ANKRD31: variants seen among roughly 807,000 people sequenced by gnomAD.
ANKRD31 encodes ankyrin repeat domain 31, also known as ankyrin repeat domain-containing protein 31.
In ANKRD31, 147 loss-of-function variants were observed where a neutral mutation model predicts 186.0. The observed-to-expected ratio is 0.79, with a 90% CI of 0.69 to 0.91. The LOEUF (loss-of-function observed/expected upper bound fraction) is 0.91. Among genes scored for constraint, ANKRD31 ranks in the 40% least tolerant of loss-of-function variants. The pLI, the probability that ANKRD31 is intolerant of heterozygous loss-of-function variation, is 0.00. For missense variants in ANKRD31, 1,986 were observed against 2,148.8 expected, an observed-to-expected ratio of 0.92 and a Z score of 1.50; for synonymous variants, 673 against 736.4, an observed-to-expected ratio of 0.91 and a Z score of 1.39.
At chr5:75,191,975 A>G (rs1755146607) in intron 9 of ANKRD31, among the ~76,000 whole-genome samples, 1 of 152,070 alleles carries the variant, frequency 6.6e-6, no homozygotes, top group African/African-American at 2.4e-5. Context: ...CCTTGTTAAT[A>G]TTTTGCCATT....
Position 75,147,336 on chromosome 5 carries a change from C to T in ANKRD31, c.2075G>A (p.Gly692Asp), listed in dbSNP as rs1241737669. 6.5e-7 allele frequency: 1 copy of T among 1,532,724 alleles called. No individual in the cohort carries two copies. The highest frequency in any genetic ancestry group is 1.4e-5 in the African/African-American group (1 of 72,596). 94.9% of individuals were successfully genotyped at this position (1,532,724 alleles called of 1,614,324 possible). The change falls in exon 14 of 26, where the codon GGT becomes GAT. Residue 692 changes from glycine to aspartate, a missense_variant. Gly to Asp is a moderately conservative substitution (Grantham distance 94, BLOSUM62 -1). Transcript: ENST00000506364. Reference sequence around the variant, plus strand: ...AGTTGATTGTTTATGCTTGGATTTACCAAATTTTGTGTTTTTGGGATCTTT... The same window carrying T: ...AGTTGATTGTTTATGCTTGGATTTATCAAATTTTGTGTTTTTGGGATCTTT... ...YQKDPKNTKFGKSKHKQSTLD... is the reference protein window; with the variant it reads ...YQKDPKNTKFDKSKHKQSTLD...
intron 22 of ANKRD31, among the ~76,000 whole-genome samples, chr5:75,091,609 T>A (rs9293644): frequency 0.19 from 28,593 of 151,924 alleles, 3,033 homozygotes; most frequent in South Asian, 0.4. Flanking sequence ...AAAATCAGAT[T>A]AAAAAGGTGA....
rs76797257 is a variant in ANKRD31 at position 75,202,020 on chromosome 5, C to G, written c.404-2346G>C. 4.8e-3 allele frequency among the ~76,000 whole-genome samples: 729 copies of G among 152,298 alleles called. 4 individuals carry two copies. Among genetic ancestry groups the G allele is most frequent in the Non-Finnish European group, 7.3e-3 (496 of 68,026 alleles). ...ATAAACTGGAAGCCCCCAGGCCACA[C>G]CTTGCTTCTGGTTTGTCCCACCTTT... On this transcript the variant is annotated intron_variant, in intron 5 of 25. Coordinates refer to ENST00000506364, the MANE Select transcript of ANKRD31 (RefSeq NM_001372053.1).
At chr5:75,139,984 T>C (rs928492835) in intron 15 of ANKRD31, among the ~76,000 whole-genome samples, 52 of 152,092 alleles carry the variant, frequency 3.4e-4, no homozygotes, top group African/African-American at 1.2e-3. Context: ...TTGTTTTCTA[T>C]AGAAACTGCA....
intron 12 of ANKRD31, among the ~76,000 whole-genome samples, chr5:75,153,444 T>C (rs887437084): frequency 6.6e-6 from 1 of 152,034 alleles, no homozygotes; most frequent in African/African-American, 2.4e-5. Context: ...CTAGGCCTCG[T>C]TGAGAAGGTG....
intron 10 of ANKRD31, among the ~76,000 whole-genome samples, chr5:75,170,152 T>TA (rs1362062364): frequency 5.9e-5 from 9 of 152,138 alleles, no homozygotes; most frequent in African/African-American, 2.2e-4. Flanking sequence ...TGTCTGTAGA[T>TA]ATATATGATA....
At position 75,195,615 on chromosome 5, in the gene ANKRD31, G is replaced by C; in HGVS notation, c.1017+16C>G. The C allele has an allele frequency of 6.7e-7, 1 of 1,492,634 alleles. No individual in the cohort carries two copies. The highest frequency in any genetic ancestry group is 8.9e-7 in the Non-Finnish European group (1 of 1,123,812). The allele number at this position is 1,492,634 out of a possible 1,614,324, so 92.5% of individuals were successfully genotyped here. ...TGTTCAAATGGTGGAGTAGAACAAA[G>C]AAATTCAAAATTCACCTCTGCTATT... On this transcript the variant is annotated intron_variant, in intron 7 of 25. Transcript: ENST00000506364.
In ANKRD31 at chr5:75,144,001, C is replaced by T; in HGVS notation, c.3595G>A (p.Gly1199Arg). ...QSFLKTTCNL[G>R]MKAGRINKRN... ...CCTATACAATTATAGGAATACAAAC[C>T]TAGGTTGCAGGTAGTTTTTAAGAAA... Residue 1199 changes from glycine to arginine, a missense_variant and splice_region_variant, in exon 15 of 26, where the codon GGA (glycine) becomes AGA (arginine). Coordinates refer to ENST00000506364, the MANE Select transcript of ANKRD31 (RefSeq NM_001372053.1). 1 of 397,106 alleles carries T rather than the reference C, an allele frequency of 2.5e-6. No homozygotes were observed. The highest frequency in any genetic ancestry group is 4.4e-6 in the Non-Finnish European group (1 of 225,120). The allele number at this position is 397,106 out of a possible 1,614,324, so 24.6% of individuals were successfully genotyped here.
intron 17 of ANKRD31, among the ~76,000 whole-genome samples, chr5:75,129,121 T>C (rs1749514483): frequency 1.3e-5 from 2 of 151,918 alleles, no homozygotes; most frequent in Non-Finnish European, 2.9e-5. Context: ...CTTGACAGAG[T>C]CCTCACAAGA....
intron 19 of ANKRD31, among the ~76,000 whole-genome samples, chr5:75,116,175 C>T (rs1302762197): frequency 1.5e-4 from 22 of 146,752 alleles, no homozygotes; most frequent in African/African-American, 2.3e-4. Context: ...AACCAAACAC[C>T]GCATATTCTC....
chr5:75,133,718 T>C (rs560950752), intron 17 of ANKRD31, among the ~76,000 whole-genome samples: 3 of 152,304 alleles, frequency 2.0e-5, no homozygotes, highest in East Asian at 1.9e-4. Flanking sequence ...ATACATTCTT[T>C]TCAGCACCAC....
At chr5:75,074,366 C>T (rs1744464854) in intron 25 of ANKRD31, among the ~76,000 whole-genome samples, 1 of 152,208 alleles carries the variant, frequency 6.6e-6, no homozygotes, top group Non-Finnish European at 1.5e-5. Flanking sequence ...TCCCTAAACT[C>T]CTTCCACCAT....
At chr5:75,126,383 A>T (rs1749258469) in intron 17 of ANKRD31, among the ~76,000 whole-genome samples, 1 of 152,172 alleles carries the variant, frequency 6.6e-6, no homozygotes, top group African/African-American at 2.4e-5. Context: ...CAGAGGTTGC[A>T]GTGACCAGAG....
At chr5:75,221,423 A>G (rs560009080) in intron 3 of ANKRD31, among the ~76,000 whole-genome samples, 13 of 152,338 alleles carry the variant, frequency 8.5e-5, no homozygotes, top group Non-Finnish European at 1.8e-4. Context: ...GTGTCTTTTC[A>G]GTGGCCTATA....
intron 10 of ANKRD31, among the ~76,000 whole-genome samples, chr5:75,177,077 G>GT (rs1307655791): frequency 6.6e-6 from 1 of 152,196 alleles, no homozygotes; most frequent in Non-Finnish European, 1.5e-5. Flanking sequence ...CGAGAACTAC[G>GT]TGACAAATGC....
At chr5:75,200,653 C>T (rs1755762668) in intron 5 of ANKRD31, among the ~76,000 whole-genome samples, 1 of 151,516 alleles carries the variant, frequency 6.6e-6, no homozygotes, top group Admixed American at 6.6e-5. Flanking sequence ...TGGCTCACGC[C>T]TGTAATCCCA....
rs1278767579 is a variant in ANKRD31, at chr5:75,146,065, T to C, written c.3346A>G (p.Thr1116Ala). The C allele has an allele frequency of 1.3e-6, 2 of 1,528,118 alleles. No individual in the cohort carries two copies. Among genetic ancestry groups the C allele is most frequent in the Non-Finnish European group, 1.7e-6 (2 of 1,144,026 alleles). 94.7% of individuals were successfully genotyped at this position (1,528,118 alleles called of 1,614,324 possible). A position where few individuals can be genotyped will look rare whatever the true frequency, so the allele number is the denominator to read the frequency against. Residue 1116 changes from threonine (T) to alanine (A), a missense_variant, in exon 14 of 26, where the codon ACT (threonine) becomes GCT (alanine). Coordinates refer to ENST00000506364, the MANE Select transcript of ANKRD31 (RefSeq NM_001372053.1). ...GCCAATTCTTTACTCATATTGTCAGTGGAATGAGAATCTATATTGTGTATA... is the reference window on the plus strand; with the variant it reads ...GCCAATTCTTTACTCATATTGTCAGCGGAATGAGAATCTATATTGTGTATA... ...ETIHNIDSHS[T>A]DNMSKELANI...
intron 10 of ANKRD31, among the ~76,000 whole-genome samples, chr5:75,181,678 G>T (rs1300454051): frequency 1.4e-5 from 2 of 137,932 alleles, no homozygotes; most frequent in South Asian, 4.5e-4. Flanking sequence ...GGTGGGAATT[G>T]AACAATGAGA....
chr5:75,160,239 G>T (rs1409271986), intron 11 of ANKRD31, among the ~76,000 whole-genome samples: 1 of 151,930 alleles, frequency 6.6e-6, no homozygotes, highest in Non-Finnish European at 1.5e-5. Context: ...CGGAAACAAT[G>T]TTTCTATATC....
Sources: gnomAD v4.1 joint callset for allele counts (sites outside exome capture counted in the v4.1 genomes callset) on GRCh38, gnomAD v4.1.1 for gene constraint, MANE v1.5 for transcripts, NCBI Gene and HGNC (gene_info 2026-07-23, HGNC 2026-07-21) for gene names.